GRM8: variants seen among roughly 807,000 people sequenced by gnomAD.
GRM8 encodes glutamate metabotropic receptor 8.
GRM8 carries 47 observed loss-of-function variants against 87.2 expected under a neutral mutation model. The observed-to-expected ratio is 0.54, with a 90% CI of 0.43 to 0.69. The LOEUF (loss-of-function observed/expected upper bound fraction) is 0.69. Among genes scored for constraint, GRM8 ranks in the 30% least tolerant of loss-of-function variants. GRM8 has a pLI of 0.00. For synonymous variants in GRM8, 396 were observed against 404.5 expected (o/e 0.98, Z 0.25); for missense variants, 1,019 against 1,139.2 (o/e 0.89, Z 1.52).
rs1290857772 is a variant in GRM8, at chr7:126,840,744, TA to T, written c.1156+61797del. On this transcript the variant is annotated intron_variant, in intron 6 of 10. Coordinates refer to ENST00000339582, the MANE Select transcript of GRM8 (RefSeq NM_000845.3). The stretch of plus-strand genomic sequence containing the variant: ...TCTAATATAAATAAAAGGGAATACT[TA>T]CTTTCGAAAGAAAGATAATTTCCTA... Among the ~76,000 whole-genome samples the T allele has an allele frequency of 2.6e-5, 4 of 152,358 alleles. No homozygotes were observed. In the East Asian group the frequency reaches 7.7e-4, roughly 29 times the overall value.
At chr7:126,493,328 G>A (rs897549413) in intron 9 of GRM8, among the ~76,000 whole-genome samples, 2 of 152,044 alleles carry the variant, frequency 1.3e-5, no homozygotes, top group Non-Finnish European at 2.9e-5. Flanking sequence ...CACATGTGGT[G>A]AGAGAGGGCA....
chr7:126,587,250 A>C (rs547385947), intron 8 of GRM8, among the ~76,000 whole-genome samples: 50 of 152,366 alleles, frequency 3.3e-4, no homozygotes, highest in African/African-American at 1.2e-3. Flanking sequence ...TAGTTCAACC[A>C]TTGTGGAAGT....
At chr7:127,019,261 C>T (rs1816015376) in intron 3 of GRM8, among the ~76,000 whole-genome samples, 1 of 152,010 alleles carries the variant, frequency 6.6e-6, no homozygotes, top group Non-Finnish European at 1.5e-5. Flanking sequence ...CTATTGAAAA[C>T]TGGTATATTT....
At chr7:126,895,638 T>C (rs949910587) in intron 6 of GRM8, among the ~76,000 whole-genome samples, 1 of 123,184 alleles carries the variant, frequency 8.1e-6, no homozygotes, top group Non-Finnish European at 1.7e-5. Context: ...TATAATTCAA[T>C]GTCATTGGAC....
intron 9 of GRM8, among the ~76,000 whole-genome samples, chr7:126,503,429 G>C (rs1051125795): frequency 1.3e-5 from 2 of 151,966 alleles, no homozygotes; most frequent in African/African-American, 2.4e-5. Flanking sequence ...ATGAGGATTA[G>C]TTTGGGATTA....
chr7:126,528,565 AAT>A (rs1171506390), intron 9 of GRM8, among the ~76,000 whole-genome samples: 3 of 152,044 alleles, frequency 2.0e-5, no homozygotes, highest in South Asian at 4.2e-4. Flanking sequence ...CAGCAAAATA[AAT>A]ATGAGTTATT....
chr7:126,704,684 C>T (rs997351361), intron 7 of GRM8, among the ~76,000 whole-genome samples: 4 of 151,992 alleles, frequency 2.6e-5, no homozygotes, highest in Admixed American at 6.6e-5. Flanking sequence ...CTTCTATGGT[C>T]GAGCTGTAGG....
intron 3 of GRM8, among the ~76,000 whole-genome samples, chr7:126,907,103 AAGG>A (rs1433364891): frequency 1.8e-5 from 2 of 109,084 alleles, no homozygotes; most frequent in Non-Finnish European, 4.7e-5. Context: ...AGAGCAGGAG[AAGG>A]AGGAGGAGAA....
chr7:126,772,104 G>C (rs1818905712), intron 6 of GRM8, among the ~76,000 whole-genome samples: 2 of 152,062 alleles, frequency 1.3e-5, no homozygotes, highest in Non-Finnish European at 2.9e-5. Flanking sequence ...AATACTGAAG[G>C]ATGGTTACAG....
chr7:126,554,798 T>C (rs11769015), intron 8 of GRM8, among the ~76,000 whole-genome samples: 19,536 of 152,262 alleles, frequency 0.13, 1,559 homozygotes, highest in South Asian at 0.17. Context: ...TTTATTGTCA[T>C]ATATGTTATT....
chr7:126,878,911 C>T (rs554961479), intron 6 of GRM8, among the ~76,000 whole-genome samples: 2 of 151,514 alleles, frequency 1.3e-5, no homozygotes, highest in South Asian at 4.2e-4. Flanking sequence ...GCCTGTAATC[C>T]CAGCACTTTG....
chr7:127,225,302 T>C (rs1797250789), intron 2 of GRM8, among the ~76,000 whole-genome samples: 1 of 152,206 alleles, frequency 6.6e-6, no homozygotes, highest in Non-Finnish European at 1.5e-5. Flanking sequence ...CTGGTGCTTA[T>C]GGAAGGCTCT....
intron 2 of GRM8, among the ~76,000 whole-genome samples, chr7:127,159,448 C>G (rs1792952198): frequency 6.6e-6 from 1 of 152,080 alleles, no homozygotes; most frequent in African/African-American, 2.4e-5. Flanking sequence ...AAGGCAACTA[C>G]TAACTTTAAA....
At chr7:126,935,977 A>T (rs1806271037) in intron 3 of GRM8, among the ~76,000 whole-genome samples, 1 of 152,130 alleles carries the variant, frequency 6.6e-6, no homozygotes, top group Admixed American at 6.5e-5. Flanking sequence ...CTCTTCATTC[A>T]CCAGCGTAAG....
At chr7:127,212,249 C>T (rs1796252995) in intron 2 of GRM8, among the ~76,000 whole-genome samples, 1 of 152,128 alleles carries the variant, frequency 6.6e-6, no homozygotes, top group Admixed American at 6.5e-5. Context: ...TGTTTTTGAG[C>T]TGTCAAAGAA....
chr7:126,633,468 G>A (rs146673933), intron 7 of GRM8, among the ~76,000 whole-genome samples: 2,198 of 152,192 alleles, frequency 0.014, 27 homozygotes, highest in Non-Finnish European at 0.019. Context: ...GATGTTATTC[G>A]CTCTTGGTCT....
chr7:127,161,064 C>A (rs1020894130), intron 2 of GRM8, among the ~76,000 whole-genome samples: 2 of 152,056 alleles, frequency 1.3e-5, no homozygotes, highest in Non-Finnish European at 2.9e-5. Context: ...TGTACTGTTC[C>A]GAGTTGCTTA....
chr7:126,885,914 G>A (rs1246909798), intron 6 of GRM8, among the ~76,000 whole-genome samples: 8 of 152,024 alleles, frequency 5.3e-5, no homozygotes, highest in Non-Finnish European at 8.8e-5. Flanking sequence ...AAACATAAGC[G>A]CCTGAAGCAG....
At chr7:127,246,698 G>A (rs1798600875) in intron 1 of GRM8, among the ~76,000 whole-genome samples, 1 of 152,176 alleles carries the variant, frequency 6.6e-6, no homozygotes, top group African/African-American at 2.4e-5. Context: ...CCCCGAGCCT[G>A]TATCCCCCTA....
Sources: allele counts gnomAD v4.1 joint callset (sites outside exome capture counted in the v4.1 genomes callset), GRCh38; gene constraint gnomAD v4.1.1; transcripts MANE v1.5; gene names NCBI Gene and HGNC (gene_info 2026-07-23, HGNC 2026-07-21).